VAV1: variants seen among roughly 807,000 people sequenced by gnomAD.
VAV1 encodes vav guanine nucleotide exchange factor 1.
Under a neutral mutation model 128.1 loss-of-function variants are expected in VAV1, and 33 were observed. That is an observed-to-expected ratio of 0.26 (90% CI 0.20 to 0.34). The LOEUF is 0.34. VAV1 is among the 10% of genes least tolerant of loss of function. The pLI is 1.00. For synonymous variants in VAV1, 394 were observed against 409.8 expected, an observed-to-expected ratio of 0.96 and a Z score of 0.47; for missense variants, 715 against 1,093.7, an observed-to-expected ratio of 0.65 and a Z score of 4.88.
chr19:6,797,164 G>A (rs1464998811), intron 1 of VAV1, among the ~76,000 whole-genome samples: 4 of 150,770 alleles, frequency 2.7e-5, no homozygotes, highest in Admixed American at 6.6e-5. Flanking sequence ...CTCAAGAGGC[G>A]GAGATTGCTG....
At chr19:6,796,258 A>G (rs948817327) in intron 1 of VAV1, among the ~76,000 whole-genome samples, 1 of 152,130 alleles carries the variant, frequency 6.6e-6, no homozygotes, top group African/African-American at 2.4e-5. Flanking sequence ...TACTCGAGAG[A>G]GAGGTGGGAG....
chr19:6,778,340 C>A (rs1970690500), intron 1 of VAV1, among the ~76,000 whole-genome samples: 1 of 152,154 alleles, frequency 6.6e-6, no homozygotes, highest in Non-Finnish European at 1.5e-5. Context: ...TCCACCAGGA[C>A]ATGGGAGCTG....
At position 6,832,327 on chromosome 19, in the gene VAV1, T is replaced by G. The variant is rs1025651284; in HGVS notation, c.1508+127T>G. 7.8e-5 allele frequency: 68 copies of G among 871,802 alleles called. No homozygotes were observed. The East Asian group carries it at 1.5e-3, about 19-fold the overall frequency. 54.0% of individuals were successfully genotyped at this position (871,802 alleles called of 1,614,324 possible). A position where few individuals can be genotyped will look rare whatever the true frequency, so the allele number is the denominator to read the frequency against. ...CACTCTGAACCACAGTCTCTTCATT[T>G]GGGAAATAAGAGGGACAGGCCCAAG... On this transcript the variant is annotated intron_variant, in intron 15 of 26. Coordinates refer to ENST00000602142, the MANE Select transcript of VAV1 (RefSeq NM_005428.4).
intron 21 of VAV1, 66 bp from the exon 22 acceptor site, chr19:6,843,069 T>G: frequency 6.6e-7 from 1 of 1,514,684 alleles, no homozygotes; most frequent in Non-Finnish European, 9.2e-7. Flanking sequence ...ATGAATGAAG[T>G]GCCCTGCCCT....
At chr19:6,808,050 A>T (rs1376151239) in intron 1 of VAV1, among the ~76,000 whole-genome samples, 3 of 151,060 alleles carry the variant, frequency 2.0e-5, no homozygotes, top group Non-Finnish European at 4.4e-5. Context: ...CGGTGGCTCA[A>T]GCCTATAATC....
intron 24 of VAV1, 54 bp from the exon 25 acceptor site, chr19:6,852,911 C>G: frequency 6.8e-7 from 1 of 1,475,452 alleles, no homozygotes; most frequent in Non-Finnish European, 9.4e-7. Flanking sequence ...CTAGCTCTGC[C>G]CCCTTATGGG....
At chr19:6,797,266 A>G (rs974811785) in intron 1 of VAV1, among the ~76,000 whole-genome samples, 1 of 151,226 alleles carries the variant, frequency 6.6e-6, no homozygotes, top group Non-Finnish European at 1.5e-5. Flanking sequence ...TAGTGAATGA[A>G]GGAGTGTCTG....
rs1229831976 is a variant in VAV1 at position 6,833,598 on chromosome 19, G to A, written c.1681G>A (p.Val561Ile). Residue 561 changes from valine (V) to isoleucine (I), a missense_variant, in exon 17 of 27, where the codon GTC (valine) becomes ATC (isoleucine). Val to Ile is a conservative substitution (Grantham distance 29). This residue lies in a region of VAV1 where 407 missense variants were observed against 580.6 expected (regional missense o/e 0.70). Coordinates refer to ENST00000602142, the MANE Select transcript of VAV1 (RefSeq NM_005428.4). ...TGCACACAAGGAGTGTCTGGGGAGG[G>A]TCCCTCCATGTGGCCGACATGGGCA... The part of the protein sequence containing the change: ...ASAHKECLGR[V>I]PPCGRHGQDF... 6.2e-7 allele frequency: 1 copy of A among 1,613,822 alleles called. No homozygotes were observed. Among genetic ancestry groups the A allele is most frequent in the Admixed American group, 1.7e-5 (1 of 59,980 alleles).
At chr19:6,775,579 G>T (rs1970603201) in intron 1 of VAV1, among the ~76,000 whole-genome samples, 1 of 152,192 alleles carries the variant, frequency 6.6e-6, no homozygotes. Context: ...AGCTGTATCA[G>T]GCTCCAGGCT....
At chr19:6,830,378 T>C (rs529296421) in intron 14 of VAV1, among the ~76,000 whole-genome samples, 16 of 151,998 alleles carry the variant, frequency 1.1e-4, no homozygotes, top group African/African-American at 3.9e-4. Context: ...ACCTACTATA[T>C]CCAGGGCACT....
intron 1 of VAV1, among the ~76,000 whole-genome samples, chr19:6,814,673 T>G (rs963584000): frequency 1.1e-5 from 1 of 93,006 alleles, no homozygotes; most frequent in African/African-American, 5.5e-5. Context: ...CCTTCCTTCC[T>G]TTCTTTCTTT....
At position 6,838,467 on chromosome 19, in the gene VAV1, C is replaced by A. The variant is rs141917636; in HGVS notation, c.1980+1417C>A. ...TCATCTATCTACTTATCAATACATT[C>A]ATGATCTATTCATCCACCTATCATT... On this transcript the variant is annotated intron_variant, in intron 21 of 26. Transcript: ENST00000602142. Among the ~76,000 whole-genome samples, 19 of 152,096 alleles carry A rather than the reference C, an allele frequency of 1.2e-4. No individual in the cohort carries two copies. The East Asian group carries it at 3.3e-3, about 26-fold the overall frequency.
intron 9 of VAV1, among the ~76,000 whole-genome samples, chr19:6,827,304 G>C (rs903601709): frequency 1.3e-5 from 2 of 151,904 alleles, no homozygotes; most frequent in Admixed American, 6.6e-5. Flanking sequence ...GTCTCATTCT[G>C]TCCCCCAAGC....
At chr19:6,846,402 C>T (rs1255471987) in intron 22 of VAV1, among the ~76,000 whole-genome samples, 2 of 150,852 alleles carry the variant, frequency 1.3e-5, no homozygotes, top group Non-Finnish European at 3.0e-5. Context: ...GTTTGGCCTA[C>T]ATGGTGAAAC....
intron 19 of VAV1, among the ~76,000 whole-genome samples, chr19:6,834,387 G>T (rs1280867971): frequency 6.6e-6 from 1 of 151,140 alleles, no homozygotes. Flanking sequence ...GGGATTATAG[G>T]CACATGTCAC....
Position 6,826,801 on chromosome 19 carries a change from CT to C in VAV1, c.927+93del, listed in dbSNP as rs569877197. 182 of 1,030,170 alleles carry C rather than the reference CT, an allele frequency of 1.8e-4. 1 individual carries two copies. In the African/African-American group the frequency reaches 2.7e-3, roughly 15 times the overall value. 63.8% of individuals were successfully genotyped at this position (1,030,170 alleles called of 1,614,324 possible). A position where few individuals can be genotyped will look rare whatever the true frequency, so the allele number is the denominator to read the frequency against. The stretch of plus-strand genomic sequence containing the variant: ...AGGACACTGAGTTGCAGATGGTCCA[CT>C]TTCTGCTGCAGCCCAGCCAGAGATC... On this transcript the variant is annotated intron_variant, in intron 9 of 26. Coordinates refer to ENST00000602142, the MANE Select transcript of VAV1 (RefSeq NM_005428.4). The surrounding 1 kb of genome is among the most constrained non-coding windows in gnomAD (Gnocchi z 4.1).
At chr19:6,832,307 T>G (rs1972079017) in intron 15 of VAV1, 107 bp downstream of exon 15, 2 of 984,046 alleles carry the variant, frequency 2.0e-6, no homozygotes, top group Admixed American at 4.7e-5. Context: ...GGGACCACTC[T>G]GAACCACAGT....
intron 1 of VAV1, among the ~76,000 whole-genome samples, chr19:6,780,146 A>T (rs1970739217): frequency 6.9e-6 from 1 of 145,696 alleles, no homozygotes; most frequent in East Asian, 2.0e-4. Flanking sequence ...TAATAATAAT[A>T]ATAATAATAA....
chr19:6,840,052 A>G (rs550128466), intron 21 of VAV1, among the ~76,000 whole-genome samples: 130 of 152,218 alleles, frequency 8.5e-4, no homozygotes, highest in Middle Eastern at 3.4e-3. Context: ...GTGTTTTGCC[A>G]CCATCACCAC....
Sources: allele counts gnomAD v4.1 joint callset (sites outside exome capture counted in the v4.1 genomes callset), GRCh38; gene constraint gnomAD v4.1.1; regional missense constraint gnomAD v4.1.1; non-coding constraint Gnocchi (gnomAD v3.1); transcripts MANE v1.5; gene names NCBI Gene and HGNC (gene_info 2026-07-23, HGNC 2026-07-21).